Variants in CYFIP2 observed in about 807,000 individuals in gnomAD.
CYFIP2 encodes the protein cytoplasmic FMR1 interacting protein 2.
CYFIP2 carries 29 observed loss-of-function variants against 158.7 expected under a neutral mutation model. The observed-to-expected ratio is 0.18, with a 90% CI of 0.14 to 0.25. The LOEUF (loss-of-function observed/expected upper bound fraction) is 0.25. Ranked by LOEUF, CYFIP2 falls within the 10% of genes least tolerant of loss-of-function variation. CYFIP2 has a pLI of 1.00. For synonymous variants in CYFIP2, 585 were observed against 617.6 expected, an observed-to-expected ratio of 0.95 and a Z score of 0.78; for missense variants, 852 against 1,639.5, an observed-to-expected ratio of 0.52 and a Z score of 8.29.
At chr5:157,312,597 C>T (rs893017741) in intron 11 of CYFIP2, among the ~76,000 whole-genome samples, 3 of 152,208 alleles carry the variant, frequency 2.0e-5, no homozygotes, top group Non-Finnish European at 4.4e-5. Context: ...ATGCTCACTG[C>T]TTCCACCATG....
At chr5:157,328,651 T>A (rs1332205236) in intron 19 of CYFIP2, among the ~76,000 whole-genome samples, 7 of 152,310 alleles carry the variant, frequency 4.6e-5, no homozygotes, top group African/African-American at 1.4e-4. Flanking sequence ...CACACCAGCT[T>A]TGTAGCTGTT....
At chr5:157,293,193 T>C (rs1220306) in intron 3 of CYFIP2, among the ~76,000 whole-genome samples, 88,409 of 151,950 alleles carry the variant, frequency 0.58, 27,306 homozygotes, top group Admixed American at 0.71. Flanking sequence ...GTAGCTGAGA[T>C]TGCAGGCACC....
At chr5:157,281,164 A>G (rs1265067509) in intron 1 of CYFIP2, among the ~76,000 whole-genome samples, 2 of 151,994 alleles carry the variant, frequency 1.3e-5, no homozygotes, top group Non-Finnish European at 2.9e-5. Flanking sequence ...GCCCTCTTAT[A>G]TTTCCTGTGA....
chr5:157,328,185 C>A, intron 19 of CYFIP2, 136 bp downstream of exon 19: 1 of 799,242 alleles, frequency 1.3e-6, no homozygotes. Context: ...GGACTGGGTG[C>A]TGAGATAGAG....
intron 13 of CYFIP2, among the ~76,000 whole-genome samples, chr5:157,318,456 C>T (rs1760326061): frequency 6.6e-6 from 1 of 152,196 alleles, no homozygotes; most frequent in African/African-American, 2.4e-5. Flanking sequence ...TCTAACAGTC[C>T]TCTAATGCTT....
intron 28 of CYFIP2, among the ~76,000 whole-genome samples, chr5:157,385,556 C>T (rs1022089985): frequency 2.6e-5 from 4 of 152,002 alleles, no homozygotes; most frequent in Admixed American, 1.3e-4. Context: ...TTTGTTGCCC[C>T]ACACTATCAC....
Position 157,359,081 on chromosome 5 carries a change from G to A in CYFIP2, c.2750G>A (p.Cys917Tyr). Residue 917 changes from cysteine (C) to tyrosine (Y), a missense_variant, in exon 24 of 31, where the codon TGC (cysteine) becomes TAC (tyrosine). This residue lies in a region of CYFIP2 where 191 missense variants were observed against 311.2 expected (regional missense o/e 0.61). Coordinates refer to ENST00000620254, the MANE Select transcript of CYFIP2 (RefSeq NM_001037333.3). The stretch of plus-strand genomic sequence containing the variant: ...GGGCCACCTCATTTCAAGACTATCT[G>A]CAGACTCCTGGGTTATCAGGGCATC... Reference protein sequence around the residue: ...FVGPPHFKTICRLLGYQGIAV... With the variant: ...FVGPPHFKTIYRLLGYQGIAV... The A allele has an allele frequency of 6.2e-7, 1 of 1,613,992 alleles. No homozygotes were observed. The highest frequency in any genetic ancestry group is 8.5e-7 in the Non-Finnish European group (1 of 1,179,896).
intron 15 of CYFIP2, chr5:157,323,029 C>G: frequency 6.5e-7 from 1 of 1,536,058 alleles, no homozygotes; most frequent in Non-Finnish European, 8.7e-7. Flanking sequence ...ATCACACCGC[C>G]TGGCTGGGTT....
At chr5:157,295,833 T>A (rs1758207099) in intron 4 of CYFIP2, among the ~76,000 whole-genome samples, 1 of 152,252 alleles carries the variant, frequency 6.6e-6, no homozygotes, top group African/African-American at 2.4e-5. Context: ...GCTCTTCAGA[T>A]CCCATGTATC....
chr5:157,371,219 A>G (rs899979224), intron 26 of CYFIP2, among the ~76,000 whole-genome samples: 1 of 152,164 alleles, frequency 6.6e-6, no homozygotes, highest in African/African-American at 2.4e-5. Context: ...ATGTGCCTCC[A>G]TATAAGGGAA....
intron 14 of CYFIP2, 147 bp from the exon 15 acceptor site, chr5:157,320,508 T>C (rs1240203741): frequency 3.8e-6 from 4 of 1,053,330 alleles, no homozygotes; most frequent in Non-Finnish European, 4.0e-6. Context: ...AGTTTTGGAA[T>C]TGGGGCAGAA....
chr5:157,317,308 A>G (rs1029637976), intron 13 of CYFIP2, among the ~76,000 whole-genome samples: 12 of 152,188 alleles, frequency 7.9e-5, no homozygotes, highest in African/African-American at 2.7e-4. Flanking sequence ...AAGTAGTTCA[A>G]TGTGGCCTTT....
chr5:157,344,312 A>G (rs1762519937), intron 23 of CYFIP2, among the ~76,000 whole-genome samples: 1 of 152,206 alleles, frequency 6.6e-6, no homozygotes, highest in African/African-American at 2.4e-5. Flanking sequence ...ATGCTAGATG[A>G]TTCACAGGCA....
chr5:157,311,539 G>C lies in CYFIP2; in HGVS notation c.993-125G>C. On this transcript the variant is annotated intron_variant, in intron 10 of 30. Coordinates refer to ENST00000620254, the MANE Select transcript of CYFIP2 (RefSeq NM_001037333.3). This position sits in a 1 kb window ranked among gnomAD's most constrained non-coding sequence, Gnocchi z 4.7. ...AGCAGGCTTTCTTGCTGAGGCGGCT[G>C]GGATACCATTTGGTGTCACCCAGGG... The C allele has an allele frequency of 1.4e-6, 1 of 740,160 alleles. No individual in the cohort carries two copies. The allele number at this position is 740,160 out of a possible 1,614,324, so 45.8% of individuals were successfully genotyped here.
chr5:157,367,381 G>A (rs1764485035), intron 26 of CYFIP2, among the ~76,000 whole-genome samples: 1 of 152,162 alleles, frequency 6.6e-6, no homozygotes, highest in Non-Finnish European at 1.5e-5. Context: ...TCCCCCTGTT[G>A]GAAACTGCTC....
At position 157,302,893 on chromosome 5, in the gene CYFIP2, G is replaced by A. The variant is rs1316020516; in HGVS notation, c.666+3G>A. Reference sequence around the variant, plus strand: ...CCAACCACAACAGGATCACCCAGGTGAGGGCAGACTCCTTGTTAGGCCTGG... The same window carrying A: ...CCAACCACAACAGGATCACCCAGGTAAGGGCAGACTCCTTGTTAGGCCTGG... On this transcript the variant is annotated splice_donor_region_variant and intron_variant, in intron 7 of 30. Transcript: ENST00000620254. 1.3e-5 allele frequency: 20 copies of A among 1,569,060 alleles called. No homozygotes were observed. Among genetic ancestry groups the A allele is most frequent in the Non-Finnish European group, 1.7e-5 (20 of 1,156,524 alleles).
chr5:157,277,086 T>A (rs1580951646), intron 1 of CYFIP2: 1 of 151,104 alleles, frequency 6.6e-6, no homozygotes, highest in South Asian at 2.1e-4. Context: ...CAGGCTGGAG[T>A]ACAGTGGCTC....
intron 1 of CYFIP2, among the ~76,000 whole-genome samples, chr5:157,284,897 T>A (rs1325333779): frequency 5.9e-5 from 9 of 152,202 alleles, no homozygotes; most frequent in Non-Finnish European, 1.0e-4. Flanking sequence ...CCTGGATAAT[T>A]GTATTGCATG....
intron 21 of CYFIP2, among the ~76,000 whole-genome samples, chr5:157,338,384 C>G (rs1427798237): frequency 6.6e-6 from 1 of 152,248 alleles, no homozygotes; most frequent in African/African-American, 2.4e-5. Flanking sequence ...GCATTCTGCT[C>G]CCACCTCTTT....
Sources: gnomAD v4.1 joint callset for allele counts (sites outside exome capture counted in the v4.1 genomes callset) on GRCh38, gnomAD v4.1.1 for gene constraint, gnomAD v4.1.1 regional missense constraint, Gnocchi (gnomAD v3.1) non-coding constraint, MANE v1.5 for transcripts, NCBI Gene and HGNC (gene_info 2026-07-23, HGNC 2026-07-21) for gene names.